TMEM260: variants seen among roughly 807,000 people sequenced by gnomAD.
TMEM260 encodes protein O-mannosyl-transferase TMEM260.
A neutral mutation model predicts 88.9 loss-of-function variants in TMEM260; 82 were observed. That is an observed-to-expected ratio of 0.92 (90% confidence interval 0.77 to 1.11). The LOEUF is 1.11. TMEM260 is among the 50% of genes least tolerant of loss of function. The pLI, the probability that TMEM260 is intolerant of heterozygous loss-of-function variation, is 0.00. For synonymous variants in TMEM260, 314 were observed against 309.3 expected (o/e 1.02, Z -0.16); for missense variants, 902 against 853.4 (o/e 1.06, Z -0.71).
chr14:56,646,980 G>T (rs982601726), intron 15 of TMEM260, among the ~76,000 whole-genome samples: 3 of 151,858 alleles, frequency 2.0e-5, no homozygotes, highest in Non-Finnish European at 2.9e-5. Context: ...AGAGCATTTT[G>T]TCCTAACACT....
intron 15 of TMEM260, among the ~76,000 whole-genome samples, chr14:56,645,944 C>A (rs2139659905): frequency 6.6e-6 from 1 of 152,244 alleles, no homozygotes; most frequent in South Asian, 2.1e-4. Context: ...TGATTCTTTC[C>A]CATTTTTTCT....
At chr14:56,656,453 G>T in the TMEM260 span, among the ~76,000 whole-genome samples, 5 of 151,898 alleles carry the variant, frequency 3.3e-5, no homozygotes, top group Non-Finnish European at 7.4e-5. Context: ...GCTCTGTGTG[G>T]CTTAATTTCC....
intron 15 of TMEM260, among the ~76,000 whole-genome samples, chr14:56,645,598 C>G (rs950797687): frequency 2.6e-5 from 4 of 151,060 alleles, no homozygotes; most frequent in African/African-American, 9.7e-5. Context: ...ACATATGTAA[C>G]AAACCTGCAC....
At chr14:56,653,735 CCAAAA>C (rs771821745), downstream of TMEM260, among the ~76,000 whole-genome samples, 2,843 of 10,994 alleles carry the variant, frequency 0.26, 160 homozygotes, top group East Asian at 0.49. Context: ...ACTCTTGTCT[CCAAAA>C]CAAAAAAAAA....
intron 3 of TMEM260, among the ~76,000 whole-genome samples, chr14:56,597,409 A>G (rs929370081): frequency 6.6e-6 from 1 of 152,222 alleles, no homozygotes; most frequent in Admixed American, 6.5e-5. Flanking sequence ...AACCTGTAAT[A>G]GAGAACCTCA....
chr14:56,625,212 A>G (rs940651057), intron 11 of TMEM260, among the ~76,000 whole-genome samples, 170 bp from the exon 12 acceptor site: 11 of 152,238 alleles, frequency 7.2e-5, no homozygotes, highest in Non-Finnish European at 1.0e-4. Flanking sequence ...CAAAGTTTAC[A>G]TCACTAAAAA....
the TMEM260 span, among the ~76,000 whole-genome samples, chr14:56,659,259 T>C: frequency 8.1e-6 from 1 of 123,826 alleles, no homozygotes; most frequent in Admixed American, 7.6e-5. Context: ...TTTTTGGTTT[T>C]TGTTTTTTTT....
Position 56,638,484 on chromosome 14 carries a change from T to C in TMEM260, c.1869+1886T>C, listed in dbSNP as rs184620168. On this transcript the variant is annotated intron_variant, in intron 15 of 15. Coordinates refer to ENST00000261556, the MANE Select transcript of TMEM260 (RefSeq NM_017799.4). ...CTTTATATTCTCATCAGCGACCTCT[T>C]CTATGGTCAGTTGTTTGTTAGGCTA... Among the ~76,000 whole-genome samples, 332 of 152,282 alleles carry C rather than the reference T, an allele frequency of 2.2e-3. 2 individuals carry two copies. The highest frequency in any genetic ancestry group is 7.6e-3 in the African/African-American group (315 of 41,552).
chr14:56,603,117 G>A (rs931049686), intron 3 of TMEM260, among the ~76,000 whole-genome samples: 4 of 152,038 alleles, frequency 2.6e-5, no homozygotes, highest in African/African-American at 9.7e-5. Context: ...GTTTTAAATG[G>A]TATGGGTTTT....
the TMEM260 span, among the ~76,000 whole-genome samples, chr14:56,662,918 G>C: frequency 6.6e-6 from 1 of 152,140 alleles, no homozygotes; most frequent in Admixed American, 6.5e-5. Context: ...AGCTGAGGTT[G>C]GGAGTTCGAG....
intron 3 of TMEM260, among the ~76,000 whole-genome samples, chr14:56,589,536 C>G (rs745442711): frequency 6.6e-6 from 1 of 152,030 alleles, no homozygotes; most frequent in African/African-American, 2.4e-5. Context: ...AAAAATACTT[C>G]CTAACATCAT....
At chr14:56,622,342 C>CAAAA (rs71448489) in intron 11 of TMEM260, among the ~76,000 whole-genome samples, 8 of 87,200 alleles carry the variant, frequency 9.2e-5, no homozygotes, top group African/African-American at 1.9e-4. Context: ...GACTCCGTCT[C>CAAAA]AAAAAAAAAA....
chr14:56,643,375 A>T (rs1889738845), intron 15 of TMEM260, among the ~76,000 whole-genome samples: 1 of 152,246 alleles, frequency 6.6e-6, no homozygotes, highest in Admixed American at 6.5e-5. Flanking sequence ...CAATCAATGT[A>T]ATCCAGCATA....
Position 56,648,356 on chromosome 14 carries a change from CAA to C in TMEM260, c.*861_*862del, listed in dbSNP as rs1890093919. 6.6e-6 allele frequency: 1 copy of C among 152,548 alleles called. No individual in the cohort carries two copies. Among genetic ancestry groups the C allele is most frequent in the African/African-American group, 2.4e-5 (1 of 41,436 alleles). 9.4% of individuals were successfully genotyped at this position (152,548 alleles called of 1,614,324 possible). ...ACTAAAGAGAACATAGTAAGAAATG[CAA>C]ATAATAGTTCTTTATTTTATTATGA... On this transcript the variant is annotated 3_prime_UTR_variant, in exon 16 of 16. Coordinates refer to ENST00000261556, the MANE Select transcript of TMEM260 (RefSeq NM_017799.4).
chr14:56,632,932 T>C lies in TMEM260; in HGVS notation c.1548-63T>C. On this transcript the variant is annotated intron_variant, in intron 12 of 15. Coordinates refer to ENST00000261556, the MANE Select transcript of TMEM260 (RefSeq NM_017799.4). The stretch of plus-strand genomic sequence containing the variant: ...TCTAAAAATGATCTTTCATGAATTA[T>C]ATTTACTTAACATTTAAAACTTTAA... 4.9e-6 allele frequency: 7 copies of C among 1,425,480 alleles called. No homozygotes were observed. The South Asian group carries it at 8.6e-5, about 18-fold the overall frequency. 88.3% of individuals were successfully genotyped at this position (1,425,480 alleles called of 1,614,324 possible).
At chr14:56,595,484 A>G (rs924107369) in intron 3 of TMEM260, among the ~76,000 whole-genome samples, 5 of 151,886 alleles carry the variant, frequency 3.3e-5, no homozygotes, top group Non-Finnish European at 5.9e-5. Context: ...ATTTTATTTT[A>G]TTTTCTTTTT....
At chr14:56,646,386 G>A (rs1247356625) in intron 15 of TMEM260, among the ~76,000 whole-genome samples, 1 of 152,204 alleles carries the variant, frequency 6.6e-6, no homozygotes, top group Non-Finnish European at 1.5e-5. Flanking sequence ...AAAGTCTACA[G>A]GTAACTCCTG....
intron 3 of TMEM260, among the ~76,000 whole-genome samples, chr14:56,590,484 A>G (rs1292997928): frequency 1.3e-5 from 2 of 152,240 alleles, no homozygotes; most frequent in Admixed American, 6.5e-5. Context: ...TTGAGTGACA[A>G]CTAAATCCCA....
chr14:56,623,646 A>G (rs1193661887), intron 11 of TMEM260, among the ~76,000 whole-genome samples: 6 of 152,246 alleles, frequency 3.9e-5, no homozygotes. Context: ...ATTCTCACAT[A>G]GCAAGGTTAT....
Sources: gnomAD v4.1 joint callset for allele counts (sites outside exome capture counted in the v4.1 genomes callset) on GRCh38, gnomAD v4.1.1 for gene constraint, MANE v1.5 for transcripts, NCBI Gene and HGNC (gene_info 2026-07-23, HGNC 2026-07-21) for gene names.